CRB1: variants seen among roughly 807,000 people sequenced by gnomAD.
CRB1 encodes the protein protein crumbs homolog 1.
CRB1 carries 83 observed loss-of-function variants against 120.0 expected under a neutral mutation model. The ratio of observed to expected loss-of-function variants is 0.69; its 90% CI spans 0.58 to 0.83. CRB1 has a LOEUF of 0.83. Among genes scored for constraint, CRB1 ranks in the 40% least tolerant of loss-of-function variants. CRB1 has a pLI of 0.00. For missense variants in CRB1, 1,699 were observed against 1,687.6 expected, an observed-to-expected ratio of 1.01 and a Z score of -0.12; for synonymous variants, 625 against 612.5, an observed-to-expected ratio of 1.02 and a Z score of -0.30.
chr1:197,339,031 G>T (rs998633289), intron 2 of CRB1, among the ~76,000 whole-genome samples: 1 of 152,172 alleles, frequency 6.6e-6, no homozygotes, highest in Non-Finnish European at 1.5e-5. Flanking sequence ...TCCTGGGCTT[G>T]TAAAATCTGC....
intron 10 of CRB1, chr1:197,441,840 C>T: frequency 3.0e-6 from 1 of 331,194 alleles, no homozygotes; most frequent in Non-Finnish European, 5.7e-6. Context: ...AAGGTGGCAA[C>T]CACACTAATG....
intron 1 of CRB1, among the ~76,000 whole-genome samples, chr1:197,327,852 G>T (rs1449327345): frequency 6.6e-6 from 1 of 152,096 alleles, no homozygotes; most frequent in East Asian, 1.9e-4. Flanking sequence ...TTCCAATTGT[G>T]TACATTGGGA....
the CRB1 span, among the ~76,000 whole-genome samples, chr1:197,228,406 T>A: frequency 2.0e-5 from 3 of 152,178 alleles, no homozygotes; most frequent in African/African-American, 4.8e-5. Context: ...CTCTCTCAAG[T>A]TCAAAGTTCC....
At chr1:197,211,077 A>G in the CRB1 span, among the ~76,000 whole-genome samples, 2 of 152,252 alleles carry the variant, frequency 1.3e-5, no homozygotes, top group Admixed American at 1.3e-4. Context: ...AGTGAAGCTA[A>G]TGAATTATGT....
intron 11 of CRB1, chr1:197,477,453 G>A: frequency 1.5e-6 from 1 of 664,254 alleles, no homozygotes; most frequent in Non-Finnish European, 2.8e-6. Context: ...CATATTTTCT[G>A]ACTGTAGACT....
chr1:197,270,283 A>G (rs949787131), intron 1 of CRB1, among the ~76,000 whole-genome samples: 1 of 152,186 alleles, frequency 6.6e-6, no homozygotes, highest in Non-Finnish European at 1.5e-5. Flanking sequence ...GATAGATACT[A>G]TCATAGTAAT....
chr1:197,346,912 C>G (rs542778238), intron 3 of CRB1, among the ~76,000 whole-genome samples: 2 of 152,150 alleles, frequency 1.3e-5, no homozygotes, highest in Admixed American at 6.5e-5. Context: ...CTCTGTATAA[C>G]AGAGTGCCAT....
At chr1:197,410,255 G>A (rs1025012955) in intron 5 of CRB1, among the ~76,000 whole-genome samples, 2 of 152,192 alleles carry the variant, frequency 1.3e-5, no homozygotes, top group East Asian at 3.8e-4. Flanking sequence ...ATCTAAAATA[G>A]TAATGAATGA....
At chr1:197,357,987 C>A (rs1190668069) in intron 5 of CRB1, 1 of 152,184 alleles carries the variant, frequency 6.6e-6, no homozygotes, top group Non-Finnish European at 1.5e-5. Flanking sequence ...TTCTATCATG[C>A]ATGCTTTCCA....
chr1:197,398,869 C>T (rs1265071819), intron 5 of CRB1, among the ~76,000 whole-genome samples: 2 of 145,154 alleles, frequency 1.4e-5, no homozygotes, highest in Non-Finnish European at 1.5e-5. Flanking sequence ...AATAGATTGC[C>T]AGGAGCTGGG....
intron 5 of CRB1, among the ~76,000 whole-genome samples, chr1:197,401,016 TTA>T (rs1663039917): frequency 2.0e-5 from 3 of 152,096 alleles, no homozygotes; most frequent in African/African-American, 7.2e-5. Flanking sequence ...TGAAATTATA[TTA>T]TATATAGTTT....
chr1:197,351,068 G>A (rs1660063288), intron 4 of CRB1, among the ~76,000 whole-genome samples: 1 of 151,340 alleles, frequency 6.6e-6, no homozygotes, highest in Non-Finnish European at 1.5e-5. Context: ...CTGGCTGGGC[G>A]CCTTGGCTCA....
At chr1:197,422,800 C>T (rs1055656701) in intron 6 of CRB1, 3 of 152,086 alleles carry the variant, frequency 2.0e-5, no homozygotes, top group African/African-American at 7.2e-5. Flanking sequence ...CTGTAATTTA[C>T]CCCAAGATTT....
chr1:197,331,082 C>T (rs1000638474), intron 2 of CRB1, among the ~76,000 whole-genome samples: 3 of 151,766 alleles, frequency 2.0e-5, no homozygotes, highest in Non-Finnish European at 4.4e-5. Context: ...CTCATGAACC[C>T]GGGAGGCAGA....
chr1:197,437,898 TC>T (rs1336802557), intron 9 of CRB1: 1 of 154,522 alleles, frequency 6.5e-6, no homozygotes, highest in African/African-American at 2.4e-5. Flanking sequence ...ACAGTGAAGT[TC>T]CGCTTAGCTT....
rs975012749 is a variant in CRB1, at chr1:197,406,063, G to A, written c.1172-14937G>A. 1.8e-4 allele frequency among the ~76,000 whole-genome samples: 28 copies of A among 152,256 alleles called. No homozygotes were observed. The East Asian group carries it at 1.9e-3, about 11-fold the overall frequency. ...AGCCCCTCTGCCCGGCCACCACCCC[G>A]TCTGGGAGGTGTACCCAACAGCTCA... On this transcript the variant is annotated intron_variant, in intron 5 of 11. Transcript: ENST00000367400.
intron 9 of CRB1, among the ~76,000 whole-genome samples, chr1:197,436,508 T>C (rs530068631): frequency 3.4e-4 from 51 of 152,090 alleles, no homozygotes; most frequent in Non-Finnish European, 5.6e-4. Flanking sequence ...CAGACAAATA[T>C]AAAATAAACA....
chr1:197,461,030 T>C (rs1666506654), intron 11 of CRB1, among the ~76,000 whole-genome samples: 1 of 152,138 alleles, frequency 6.6e-6, no homozygotes, highest in Non-Finnish European at 1.5e-5. Flanking sequence ...CTGTGAACAC[T>C]AAAGATAATC....
intron 6 of CRB1, 72 bp from the exon 7 acceptor site, chr1:197,427,382 C>T (rs1664636698): frequency 7.1e-7 from 1 of 1,399,102 alleles, no homozygotes; most frequent in African/African-American, 1.4e-5. Flanking sequence ...TTTTCGTCTT[C>T]CATCCCTTCT....
Sources: gnomAD v4.1 joint callset for allele counts (sites outside exome capture counted in the v4.1 genomes callset) on GRCh38, gnomAD v4.1.1 for gene constraint, MANE v1.5 for transcripts, NCBI Gene and HGNC (gene_info 2026-07-23, HGNC 2026-07-21) for gene names.